Variants in AKAP6 observed in about 807,000 individuals in gnomAD.
AKAP6 encodes the protein A-kinase anchoring protein 6.
AKAP6 carries 58 observed loss-of-function variants against 188.5 expected under a neutral mutation model. The observed-to-expected ratio is 0.31, with a 90% CI of 0.25 to 0.38. The LOEUF (loss-of-function observed/expected upper bound fraction) is 0.38. AKAP6 is among the 10% of genes least tolerant of loss of function. The probability of loss-of-function intolerance (pLI) is 1.00; values close to 1 mark genes in which losing one functional copy is unlikely to be tolerated. For missense variants in AKAP6, 2,710 were observed against 2,740.0 expected, an observed-to-expected ratio of 0.99 and a Z score of 0.24; for synonymous variants, 989 against 998.6, an observed-to-expected ratio of 0.99 and a Z score of 0.18.
intron 1 of AKAP6, among the ~76,000 whole-genome samples, chr14:32,398,596 C>T (rs1339820919): frequency 6.6e-6 from 1 of 152,120 alleles, no homozygotes; most frequent in Non-Finnish European, 1.5e-5. Context: ...TGGTTCCAGG[C>T]TTCTCCTGGG....
intron 12 of AKAP6, among the ~76,000 whole-genome samples, chr14:32,802,172 C>G (rs2033968255): frequency 6.6e-6 from 1 of 152,018 alleles, no homozygotes; most frequent in Non-Finnish European, 1.5e-5. Context: ...TTACTTTTTT[C>G]TCTGCATTTC....
intron 11 of AKAP6, among the ~76,000 whole-genome samples, chr14:32,742,695 T>A (rs940408423): frequency 6.6e-6 from 1 of 152,126 alleles, no homozygotes; most frequent in Non-Finnish European, 1.5e-5. Context: ...TTTCTTGTTA[T>A]TGATTTCTAG....
intron 4 of AKAP6, among the ~76,000 whole-genome samples, chr14:32,574,240 G>A (rs572727511): frequency 1.6e-4 from 25 of 152,234 alleles, no homozygotes; most frequent in South Asian, 4.2e-4. Flanking sequence ...TAGGAAATGT[G>A]CAACAAATAA....
At chr14:32,622,545 T>C (rs1886856930) in intron 7 of AKAP6, among the ~76,000 whole-genome samples, 1 of 152,182 alleles carries the variant, frequency 6.6e-6, no homozygotes, top group Admixed American at 6.5e-5. Flanking sequence ...TCTGCATCTG[T>C]TTCATCATCT....
At chr14:32,371,422 AAAAAC>A (rs1040525218) in intron 1 of AKAP6, among the ~76,000 whole-genome samples, 1 of 152,318 alleles carries the variant, frequency 6.6e-6, no homozygotes, top group African/African-American at 2.4e-5. Context: ...TCTACAAAAC[AAAAAC>A]AAAACAAAAC....
intron 1 of AKAP6, among the ~76,000 whole-genome samples, chr14:32,379,017 C>T (rs999856019): frequency 1.3e-5 from 2 of 150,598 alleles, no homozygotes; most frequent in East Asian, 2.0e-4. Flanking sequence ...CTCCTGGGTT[C>T]AAGCGATTCT....
rs1250799072 is a variant in AKAP6 at position 32,568,265 on chromosome 14, A to G, written c.2347-8855A>G. On this transcript the variant is annotated intron_variant, in intron 4 of 13. Transcript: ENST00000280979. The surrounding 1 kb of genome is among the most constrained non-coding windows in gnomAD (Gnocchi z 6.2). ...GAGAGAGAATATAGCACAGTAGTCC[A>G]GAGCTTAGACCCTGGAACAAAACTA... is the stretch of plus-strand genomic sequence containing the variant. Among the ~76,000 whole-genome samples, 1 of 152,192 alleles carries G rather than the reference A, an allele frequency of 6.6e-6. No individual in the cohort carries two copies. Among genetic ancestry groups the G allele is most frequent in the East Asian group, 1.9e-4 (1 of 5,192 alleles).
intron 1 of AKAP6, among the ~76,000 whole-genome samples, chr14:32,362,121 T>C (rs1887683873): frequency 6.6e-6 from 1 of 152,214 alleles, no homozygotes; most frequent in African/African-American, 2.4e-5. Flanking sequence ...TGAAGGATTG[T>C]CTAGTCTTTC....
chr14:32,510,406 A>G (rs376386647), intron 2 of AKAP6, among the ~76,000 whole-genome samples: 138 of 92,498 alleles, frequency 1.5e-3, no homozygotes, highest in East Asian at 6.4e-3. Flanking sequence ...ATATATATGT[A>G]TATATATGTA....
At chr14:32,523,689 G>C (rs984672749) in intron 2 of AKAP6, among the ~76,000 whole-genome samples, 4 of 150,862 alleles carry the variant, frequency 2.7e-5, no homozygotes, top group Non-Finnish European at 4.4e-5. Context: ...GACTGGTCTC[G>C]AGCTCCTGAG....
At chr14:32,712,424 G>C (rs1404844741) in intron 9 of AKAP6, among the ~76,000 whole-genome samples, 2 of 151,966 alleles carry the variant, frequency 1.3e-5, no homozygotes, top group Non-Finnish European at 2.9e-5. Flanking sequence ...AATGAAGTTT[G>C]CCACATTAAT....
chr14:32,751,101 T>C (rs550686032), intron 11 of AKAP6, among the ~76,000 whole-genome samples: 1 of 152,262 alleles, frequency 6.6e-6, no homozygotes, highest in East Asian at 1.9e-4. Context: ...ATAATTTTTT[T>C]TAATGAATAA....
intron 1 of AKAP6, among the ~76,000 whole-genome samples, chr14:32,371,681 G>A (rs3825745): frequency 1.3e-5 from 2 of 152,310 alleles, no homozygotes; most frequent in South Asian, 2.1e-4. Flanking sequence ...TGAAATAGGT[G>A]AGAAAAGCTT....
At chr14:32,729,868 C>T (rs928913356) in intron 9 of AKAP6, among the ~76,000 whole-genome samples, 4 of 152,090 alleles carry the variant, frequency 2.6e-5, no homozygotes, top group Non-Finnish European at 5.9e-5. Flanking sequence ...GACTACAGGA[C>T]ACAATGGGGC....
chr14:32,602,877 A>G (rs974019458), intron 7 of AKAP6, among the ~76,000 whole-genome samples: 4 of 152,206 alleles, frequency 2.6e-5, no homozygotes, highest in African/African-American at 9.6e-5. Context: ...ACCACCTAGC[A>G]TACTGCCTTT....
chr14:32,693,550 T>G (rs2139688093), intron 8 of AKAP6: 1 of 152,232 alleles, frequency 6.6e-6, no homozygotes, highest in Middle Eastern at 3.4e-3. Flanking sequence ...CCTCGCAGAG[T>G]TCTGACCTGG....
intron 1 of AKAP6, among the ~76,000 whole-genome samples, chr14:32,329,784 T>A (rs1275162683): frequency 6.6e-6 from 1 of 152,100 alleles, no homozygotes; most frequent in African/African-American, 2.4e-5. Context: ...ATTGGCCCCC[T>A]CTTTGCTCTT....
chr14:32,435,609 CT>C (rs1890353587), intron 2 of AKAP6, among the ~76,000 whole-genome samples: 1 of 152,222 alleles, frequency 6.6e-6, no homozygotes, highest in Admixed American at 6.5e-5. Flanking sequence ...TCTGTCTCCC[CT>C]GCTGAGAAAG....
At chr14:32,529,470 T>C (rs562218077) in intron 2 of AKAP6, among the ~76,000 whole-genome samples, 1 of 152,326 alleles carries the variant, frequency 6.6e-6, no homozygotes, top group South Asian at 2.1e-4. Context: ...TTTCCTCTTT[T>C]TATCTTATTG....
Sources: gnomAD v4.1 joint callset for allele counts (sites outside exome capture counted in the v4.1 genomes callset) on GRCh38, gnomAD v4.1.1 for gene constraint, Gnocchi (gnomAD v3.1) non-coding constraint, MANE v1.5 for transcripts, NCBI Gene and HGNC (gene_info 2026-07-23, HGNC 2026-07-21) for gene names.